Variants in STRN observed in about 807,000 individuals in gnomAD.
STRN encodes protein phosphatase 2 regulatory subunit B'''alpha.
STRN carries 53 observed loss-of-function variants against 96.3 expected under a neutral mutation model. The observed-to-expected ratio is 0.55, with a 90% CI of 0.44 to 0.69. STRN has a LOEUF of 0.69. Among genes scored for constraint, STRN ranks in the 30% least tolerant of loss-of-function variants. The pLI, the probability that STRN is intolerant of heterozygous loss-of-function variation, is 0.00. For missense variants in STRN, 987 were observed against 963.9 expected (o/e 1.02, Z -0.32); for synonymous variants, 428 against 355.9 (o/e 1.20, Z -2.28).
chr2:36,860,099 C>T (rs556092699), intron 13 of STRN, among the ~76,000 whole-genome samples: 1 of 152,240 alleles, frequency 6.6e-6, no homozygotes, highest in Admixed American at 6.5e-5. Flanking sequence ...CCCGAATTTA[C>T]TTATTTGCTG....
intron 1 of STRN, among the ~76,000 whole-genome samples, chr2:36,963,500 T>C (rs1042162947): frequency 1.1e-4 from 17 of 152,060 alleles, no homozygotes; most frequent in African/African-American, 4.1e-4. Context: ...ATGGTAATAA[T>C]TTTTTTTCCA....
intron 1 of STRN, among the ~76,000 whole-genome samples, chr2:36,959,202 T>A (rs571533444): frequency 2.0e-5 from 3 of 151,992 alleles, no homozygotes; most frequent in South Asian, 2.1e-4. Context: ...ATGCAACCAA[T>A]AAAATAAGCT....
rs376347514 is a variant in STRN at position 36,953,188 on chromosome 2, A to T, written c.234+13042T>A. Among the ~76,000 whole-genome samples the T allele has an allele frequency of 2.5e-3, 385 of 152,080 alleles. 2 individuals carry two copies. Among genetic ancestry groups the T allele is most frequent in the African/African-American group, 8.6e-3 (356 of 41,486 alleles). On this transcript the variant is annotated intron_variant, in intron 1 of 17. Transcript: ENST00000263918. ...CATATTTGCCACACCCAAAATACCT[A>T]TTTCACCCAACCTTATTCAATACTT...
chr2:36,931,641 T>C (rs1027666204), intron 1 of STRN, among the ~76,000 whole-genome samples: 27 of 152,340 alleles, frequency 1.8e-4, no homozygotes, highest in African/African-American at 5.8e-4. Context: ...GAATGAAACA[T>C]ATGTTGCCTA....
chr2:36,889,995 G>C (rs568310459), intron 7 of STRN, among the ~76,000 whole-genome samples: 1 of 152,256 alleles, frequency 6.6e-6, no homozygotes, highest in Non-Finnish European at 1.5e-5. Context: ...GTTACACAAG[G>C]AACAGTGCAG....
intron 1 of STRN, among the ~76,000 whole-genome samples, chr2:36,964,529 G>A (rs1665111355): frequency 6.6e-6 from 1 of 152,176 alleles, no homozygotes; most frequent in African/African-American, 2.4e-5. Context: ...GCAAATATCA[G>A]ATAGACTAGA....
Position 36,966,535 on chromosome 2 carries a change from T to C in STRN, c.-72A>G. 9.0e-6 allele frequency: 12 copies of C among 1,339,318 alleles called. No homozygotes were observed. Among genetic ancestry groups the C allele is most frequent in the Non-Finnish European group, 1.1e-5 (12 of 1,049,924 alleles). The allele number at this position is 1,339,318 out of a possible 1,614,324, so 83.0% of individuals were successfully genotyped here. A position where few individuals can be genotyped will look rare whatever the true frequency, so the allele number is the denominator to read the frequency against. On this transcript the variant is annotated 5_prime_UTR_variant, in exon 1 of 18. Transcript: ENST00000263918. ...GGCAACAGCGGCGGCAAGCAGCGCCTCCTCCTCCCTCCGCCGCTCCCGCCC... is the reference window on the plus strand; with the variant it reads ...GGCAACAGCGGCGGCAAGCAGCGCCCCCTCCTCCCTCCGCCGCTCCCGCCC...
intron 1 of STRN, among the ~76,000 whole-genome samples, chr2:36,952,001 C>A (rs1664764499): frequency 6.6e-6 from 1 of 152,208 alleles, no homozygotes; most frequent in Admixed American, 6.5e-5. Context: ...TCCCAAGAAT[C>A]TAACGCCTGA....
At chr2:36,920,427 T>A (rs187507435) in intron 2 of STRN, among the ~76,000 whole-genome samples, 1 of 150,450 alleles carries the variant, frequency 6.6e-6, no homozygotes, top group African/African-American at 2.4e-5. Flanking sequence ...TCACCTGAGG[T>A]TGGGAGTTCG....
At chr2:36,954,619 G>A (rs892773925) in intron 1 of STRN, among the ~76,000 whole-genome samples, 6 of 150,456 alleles carry the variant, frequency 4.0e-5, no homozygotes, top group Non-Finnish European at 8.9e-5. Context: ...AAGTATTTAA[G>A]GAAATGAGAG....
At position 36,846,046 on chromosome 2, in the gene STRN, C is replaced by G. The variant is rs1184931732; in HGVS notation, c.*3410G>C. 1 of 123,724 alleles carries G rather than the reference C, an allele frequency of 8.1e-6. No homozygotes were observed. Among genetic ancestry groups the G allele is most frequent in the Non-Finnish European group, 1.6e-5 (1 of 62,360 alleles). The allele number at this position is 123,724 out of a possible 1,614,324, so 7.7% of individuals were successfully genotyped here. A position where few individuals can be genotyped will look rare whatever the true frequency, so the allele number is the denominator to read the frequency against. ...AAGGCTGCATTTTTTTTTTTAAAGG[C>G]ACCTCTCATTTTCTAGCTATTGCCT... On this transcript the variant is annotated 3_prime_UTR_variant, in exon 18 of 18. Coordinates refer to ENST00000263918, the MANE Select transcript of STRN (RefSeq NM_003162.4).
chr2:36,929,671 C>T (rs1432670408), intron 1 of STRN, among the ~76,000 whole-genome samples: 1 of 152,180 alleles, frequency 6.6e-6, no homozygotes, highest in Non-Finnish European at 1.5e-5. Context: ...GTGTGAGCCA[C>T]CACGCCCAGC....
chr2:36,854,587 T>C (rs960745942), intron 15 of STRN, among the ~76,000 whole-genome samples: 9 of 152,314 alleles, frequency 5.9e-5, no homozygotes, highest in Admixed American at 5.9e-4. Context: ...TATCATCACT[T>C]TTAAAGCTAG....
At chr2:36,916,520 T>C (rs1359761870) in intron 2 of STRN, among the ~76,000 whole-genome samples, 1 of 151,560 alleles carries the variant, frequency 6.6e-6, no homozygotes, top group Non-Finnish European at 1.5e-5. Flanking sequence ...AGGTTTGGAT[T>C]GTGAAATAAA....
Position 36,846,471 on chromosome 2 carries a change from A to T in STRN, c.*2985T>A, listed in dbSNP as rs1017036705. On this transcript the variant is annotated 3_prime_UTR_variant, in exon 18 of 18. Coordinates refer to ENST00000263918, the MANE Select transcript of STRN (RefSeq NM_003162.4). ...TATTCTTACAATATATATAATATAT[A>T]TTTATAAAATATACATACATTTTAG... is the stretch of plus-strand genomic sequence containing the variant. 1.4e-5 allele frequency: 2 copies of T among 140,122 alleles called. No homozygotes were observed. Among genetic ancestry groups the T allele is most frequent in the Admixed American group, 1.4e-4 (2 of 13,910 alleles). The allele number at this position is 140,122 out of a possible 1,614,324, so 8.7% of individuals were successfully genotyped here. A position where few individuals can be genotyped will look rare whatever the true frequency, so the allele number is the denominator to read the frequency against.
Position 36,861,187 on chromosome 2 carries a change from T to C in STRN, c.1614A>G (p.Gly538=), listed in dbSNP as rs747813175. 8 of 1,614,120 alleles carry C rather than the reference T, an allele frequency of 5.0e-6. No homozygotes were observed. Among genetic ancestry groups the C allele is most frequent in the Non-Finnish European group, 6.8e-6 (8 of 1,179,996 alleles). Residue 538 remains glycine, a synonymous_variant, in exon 13 of 18, where the codon GGA becomes GGG. Transcript: ENST00000263918. ...GEQCYSGGTD[G]LIQGWNTTNP... is the part of the protein sequence containing the mutation. Reference sequence around the variant, plus strand: ...TAGTGGTATTCCAGCCCTGGATCAGTCCATCAGTACCACCACTGTAACACT... The same window carrying C: ...TAGTGGTATTCCAGCCCTGGATCAGCCCATCAGTACCACCACTGTAACACT...
At chr2:36,849,874 G>T in intron 16 of STRN, 74 bp from the exon 17 acceptor site, 1 of 1,408,918 alleles carries the variant, frequency 7.1e-7, no homozygotes, top group Non-Finnish European at 1.0e-6. Flanking sequence ...ACCATGTCCT[G>T]CTGGTTTCTC....
intron 12 of STRN, among the ~76,000 whole-genome samples, chr2:36,867,242 G>C (rs971273590): frequency 6.6e-6 from 1 of 152,052 alleles, no homozygotes; most frequent in African/African-American, 2.4e-5. Context: ...GGGAGGCTGA[G>C]GTGGGTGGAT....
At chr2:36,856,424 C>T (rs950534123) in intron 14 of STRN, among the ~76,000 whole-genome samples, 1 of 151,982 alleles carries the variant, frequency 6.6e-6, no homozygotes, top group Non-Finnish European at 1.5e-5. Flanking sequence ...AATGAATAGA[C>T]AAATTATGGC....
Sources: allele counts gnomAD v4.1 joint callset (sites outside exome capture counted in the v4.1 genomes callset), GRCh38; gene constraint gnomAD v4.1.1; transcripts MANE v1.5; gene names NCBI Gene and HGNC (gene_info 2026-07-23, HGNC 2026-07-21).